Variants in MROH2B observed in about 807,000 individuals in gnomAD.
MROH2B encodes the protein maestro heat-like repeat-containing protein family member 2B.
Under a neutral mutation model 208.6 loss-of-function variants are expected in MROH2B, and 177 were observed. The observed-to-expected ratio is 0.85, with a 90% confidence interval of 0.75 to 0.96. The LOEUF (loss-of-function observed/expected upper bound fraction) is 0.96, where lower values mean the gene tolerates loss of function less well. Among genes scored for constraint, MROH2B ranks in the 40% least tolerant of loss-of-function variants. The probability of loss-of-function intolerance (pLI) is 0.00; values close to 1 mark genes in which losing one functional copy is unlikely to be tolerated. For missense variants in MROH2B, 2,002 were observed against 1,878.7 expected (o/e 1.07, Z -1.21); for synonymous variants, 728 against 659.0 (o/e 1.10, Z -1.60).
At chr5:41,029,823 A>G (rs325819) in intron 24 of MROH2B, among the ~76,000 whole-genome samples, 116,422 of 151,850 alleles carry the variant, frequency 0.77, 44,979 homozygotes, top group Non-Finnish European at 0.82. Context: ...AGTGAGAGTG[A>G]GGAGTAAGGG....
intron 5 of MROH2B, among the ~76,000 whole-genome samples, chr5:41,063,032 T>G (rs903325125): frequency 6.6e-6 from 1 of 152,200 alleles, no homozygotes; most frequent in Non-Finnish European, 1.5e-5. Flanking sequence ...GATGGATAGA[T>G]AGCTATTACA....
rs58129703 is a variant in MROH2B, at chr5:41,005,425, C to CCCCT, written c.3864+105_3864+106insAGGG. On this transcript the variant is annotated intron_variant, in intron 35 of 41. Transcript: ENST00000399564. ...TCTCCTCTATGAAACCCCCCCCCCC[C>CCCCT]TTGAAGTCTCTCTTCCCTGGTTCCA... 528 of 216,696 alleles carry CCCCT rather than the reference C, an allele frequency of 2.4e-3. 28 individuals are homozygous for CCCCT. Among genetic ancestry groups the CCCCT allele is most frequent in the Non-Finnish European group, 2.9e-3 (313 of 107,724 alleles). The allele number at this position is 216,696 out of a possible 1,614,324, so 13.4% of individuals were successfully genotyped here.
intron 35 of MROH2B, 132 bp downstream of exon 35, chr5:41,005,397 GTC>G: frequency 1.7e-6 from 1 of 595,688 alleles, no homozygotes; most frequent in South Asian, 2.1e-5. Context: ...GCAGTAGCTG[GTC>G]TCTCCTCTAT....
At chr5:41,027,076 A>C (rs1017534864) in intron 24 of MROH2B, among the ~76,000 whole-genome samples, 2 of 152,232 alleles carry the variant, frequency 1.3e-5, no homozygotes, top group Non-Finnish European at 1.5e-5. Context: ...ACGTAAAACC[A>C]TAAAAACCCT....
chr5:41,006,513 A>G (rs1207823278), intron 34 of MROH2B, among the ~76,000 whole-genome samples: 4 of 152,260 alleles, frequency 2.6e-5, no homozygotes, highest in African/African-American at 9.6e-5. Context: ...AGAAATCATT[A>G]TACAAAAAAG....
chr5:41,052,588 C>T lies in MROH2B; in HGVS notation c.1108-1G>A. On this transcript the variant is annotated splice_acceptor_variant, in intron 11 of 41. Transcript: ENST00000399564. LOFTEE classifies it high-confidence loss of function. ...TGAGGAGAAGAACAGAATTTCTTAC[C>T]TAGGGTAAGAACAATGCAATAGCAA... The T allele has an allele frequency of 1.2e-6, 2 of 1,608,442 alleles. No individual in the cohort carries two copies. The highest frequency in any genetic ancestry group is 1.7e-6 in the Non-Finnish European group (2 of 1,176,814).
rs1316385088 is a variant in MROH2B at position 41,009,365 on chromosome 5, G to T, written c.3335C>A (p.Ala1112Asp). The T allele has an allele frequency of 6.2e-7, 1 of 1,613,738 alleles. No homozygotes were observed. The highest frequency in any genetic ancestry group is 8.5e-7 in the Non-Finnish European group (1 of 1,179,798). ...GGCTTGCAAGAGTTTCCCACTGGAG[G>T]CTGGCTTTTCAGCCAGCGCCTTCCA... Reference protein sequence around the residue: ...TLWKALAEKPASSGKLLQALI... With the variant: ...TLWKALAEKPDSSGKLLQALI... Residue 1112 changes from alanine to aspartate, a missense_variant, in exon 32 of 42, where the codon GCC becomes GAC. Ala to Asp is a moderately radical substitution (Grantham distance 126). Coordinates refer to ENST00000399564, the MANE Select transcript of MROH2B (RefSeq NM_173489.5).
rs764192688 is a variant in MROH2B at position 41,009,302 on chromosome 5, A to G, written c.3398T>C (p.Ile1133Thr). ...DKLETELEDD[I>T]ARVEAISVAC... is the part of the protein sequence containing the mutation. ...CACTGAAATTGCCTCAACCCTGGCG[A>G]TGTCATCTTCTAACTCAGTCTCCAG... Residue 1133 changes from isoleucine (I) to threonine (T), a missense_variant, in exon 32 of 42, where the codon ATC (isoleucine) becomes ACC (threonine). Physicochemically the swap from Ile to Thr is moderately conservative, Grantham distance 89. Coordinates refer to ENST00000399564, the MANE Select transcript of MROH2B (RefSeq NM_173489.5). 1 of 1,613,848 alleles carries G rather than the reference A, an allele frequency of 6.2e-7. No homozygotes were observed. The highest frequency in any genetic ancestry group is 8.5e-7 in the Non-Finnish European group (1 of 1,179,768).
chr5:41,051,008 GT>G lies in MROH2B; in HGVS notation c.1312del (p.Thr438ProfsTer18). On this transcript the variant is annotated frameshift_variant, in exon 13 of 42. Coordinates refer to ENST00000399564, the MANE Select transcript of MROH2B (RefSeq NM_173489.5). LOFTEE classifies it high-confidence loss of function. ...CATTCCAATGACCAGTGGGTCCAGG[GT>G]TTTTAAGACCTCAAGGCTTGTTTCT... ...VRETSLEVLK[T>X]LDPLVIGMPQ... 6.4e-7 allele frequency: 1 copy of G among 1,569,498 alleles called. No individual in the cohort carries two copies. The highest frequency in any genetic ancestry group is 2.0e-5 in the Admixed American group (1 of 50,816).
At position 41,052,537 on chromosome 5, in the gene MROH2B, AT is replaced by A. The variant is rs1351243031; in HGVS notation, c.1157del (p.Tyr386LeufsTer10). On this transcript the variant is annotated frameshift_variant, in exon 12 of 42. Coordinates refer to ENST00000399564, the MANE Select transcript of MROH2B (RefSeq NM_173489.5). LOFTEE classifies it high-confidence loss of function. ...LLIQTMCEKS[Y>X]IEAREGWPLI... Reference sequence around the variant, plus strand: ...ATGGCCATCCTTCCCGAGCTTCAATATAGGACTTTTCACACATGGTTTGGAT... The same window carrying A: ...ATGGCCATCCTTCCCGAGCTTCAATAAGGACTTTTCACACATGGTTTGGAT... 3 of 1,612,664 alleles carry A rather than the reference AT, an allele frequency of 1.9e-6. No homozygotes were observed. In the African/African-American group the frequency reaches 4.0e-5, roughly 22 times the overall value.
intron 11 of MROH2B, among the ~76,000 whole-genome samples, chr5:41,054,343 G>C (rs1222543330): frequency 2.6e-5 from 4 of 152,318 alleles, no homozygotes; most frequent in African/African-American, 9.6e-5. Flanking sequence ...GCTCTAGGTA[G>C]AGTCTGGTTG....
chr5:41,064,400 G>T, intron 5 of MROH2B, 72 bp downstream of exon 5: 1 of 1,282,436 alleles, frequency 7.8e-7, no homozygotes, highest in Non-Finnish European at 1.1e-6. Context: ...GGGAAAACAA[G>T]ACTTTTGCTT....
intron 9 of MROH2B, among the ~76,000 whole-genome samples, chr5:41,056,890 TCG>T (rs771307297): frequency 1.4e-3 from 210 of 152,206 alleles, no homozygotes; most frequent in Non-Finnish European, 2.1e-3. Flanking sequence ...CCTATCCCAG[TCG>T]TGGAAACCCT....
intron 9 of MROH2B, among the ~76,000 whole-genome samples, chr5:41,056,405 G>A (rs1297379588): frequency 6.6e-6 from 1 of 152,154 alleles, no homozygotes; most frequent in Non-Finnish European, 1.5e-5. Context: ...AAAGGGGCCA[G>A]TCAGGAGAGA....
rs1321697296 is a variant in MROH2B at position 41,065,452 on chromosome 5, C to T, written c.240G>A (p.Leu80=). 6.2e-7 allele frequency: 1 copy of T among 1,613,218 alleles called. No individual in the cohort carries two copies. Residue 80 remains leucine, a synonymous_variant, in exon 4 of 42, where the codon TTG becomes TTA. Transcript: ENST00000399564. ...TGAAATCATGTGCAGCAAGAGACAC[C>T]AAAACCTCACCAGCTAGCATTCTGA... ...REIRMLAGEV[L]VSLAAHDFNS...
At chr5:41,046,613 T>C (rs1441619031) in intron 17 of MROH2B, among the ~76,000 whole-genome samples, 15 of 151,816 alleles carry the variant, frequency 9.9e-5, no homozygotes, top group Admixed American at 9.9e-4. Context: ...TTAAACAGTT[T>C]CGGAAATTTA....
intron 24 of MROH2B, among the ~76,000 whole-genome samples, chr5:41,026,036 T>C (rs1742347295): frequency 6.6e-6 from 1 of 152,054 alleles, no homozygotes; most frequent in South Asian, 2.1e-4. Context: ...GGGATGTATC[T>C]CAAAATAATA....
chr5:41,030,752 G>A (rs1036137953), intron 24 of MROH2B, among the ~76,000 whole-genome samples: 34 of 151,970 alleles, frequency 2.2e-4, no homozygotes, highest in Admixed American at 2.2e-3. Flanking sequence ...GCATGGCACT[G>A]GTATAAAAAT....
rs1177973018 is a variant in MROH2B at position 41,007,455 on chromosome 5, C to T, written c.3609-1G>A. Reference sequence around the variant, plus strand: ...ACATTTTAAAGTAGCAGTTGAAAGCCTAAAGGAGACAGTCAGCATTACAAA... The same window carrying T: ...ACATTTTAAAGTAGCAGTTGAAAGCTTAAAGGAGACAGTCAGCATTACAAA... On this transcript the variant is annotated splice_acceptor_variant, in intron 33 of 41. Coordinates refer to ENST00000399564, the MANE Select transcript of MROH2B (RefSeq NM_173489.5). LOFTEE classifies it high-confidence loss of function. 1.9e-6 allele frequency: 3 copies of T among 1,561,840 alleles called. No individual in the cohort carries two copies. In the Admixed American group the frequency reaches 5.9e-5, roughly 31 times the overall value.
Sources: gnomAD v4.1 joint callset for allele counts (sites outside exome capture counted in the v4.1 genomes callset) on GRCh38, gnomAD v4.1.1 for gene constraint, MANE v1.5 for transcripts, NCBI Gene and HGNC (gene_info 2026-07-23, HGNC 2026-07-21) for gene names.